CWC22: variants seen among roughly 807,000 people sequenced by gnomAD.
CWC22 encodes CWC22 spliceosome associated protein, also known as pre-mRNA-splicing factor CWC22 homolog.
CWC22 carries 53 observed loss-of-function variants against 117.2 expected under a neutral mutation model. That is an observed-to-expected ratio of 0.45 (90% CI 0.36 to 0.57). The LOEUF (loss-of-function observed/expected upper bound fraction) is 0.57, where lower values mean the gene tolerates loss of function less well. Among genes scored for constraint, CWC22 ranks in the 20% least tolerant of loss-of-function variants. CWC22 has a pLI of 0.00. For synonymous variants in CWC22, 360 were observed against 355.6 expected, an observed-to-expected ratio of 1.01 and a Z score of -0.14; for missense variants, 980 against 1,068.8, an observed-to-expected ratio of 0.92 and a Z score of 1.16.
chr2:179,982,390 C>CTTTA (rs1553561000), intron 4 of CWC22, among the ~76,000 whole-genome samples: 2 of 152,064 alleles, frequency 1.3e-5, no homozygotes, highest in Non-Finnish European at 2.9e-5. Flanking sequence ...TATGTAAAGA[C>CTTTA]TTTAAGGTTT....
intron 6 of CWC22, among the ~76,000 whole-genome samples, chr2:179,976,523 G>C (rs1331408337): frequency 6.6e-6 from 1 of 152,002 alleles, no homozygotes; most frequent in Non-Finnish European, 1.5e-5. Flanking sequence ...CCTGATAAGG[G>C]GTTAATATCC....
chr2:179,966,123 C>T (rs191844417), intron 11 of CWC22, 141 bp from the exon 12 acceptor site: 9 of 581,272 alleles, frequency 1.5e-5, no homozygotes, highest in Admixed American at 6.3e-5. Context: ...CACCAAGCCT[C>T]GTGTTATTGC....
chr2:179,966,194 C>T (rs1686886428), intron 11 of CWC22, among the ~76,000 whole-genome samples: 2 of 152,168 alleles, frequency 1.3e-5, no homozygotes, highest in East Asian at 1.9e-4. Context: ...TATCACTCTT[C>T]TGCCACATAA....
Position 179,986,825 on chromosome 2 carries a change from C to G in CWC22, c.96-20G>C, listed in dbSNP as rs1042052350. On this transcript the variant is annotated intron_variant, in intron 3 of 19. Coordinates refer to ENST00000410053, the MANE Select transcript of CWC22 (RefSeq NM_020943.3). ...TCATATCTAACATAAAATAAGAAAA[C>G]CAAGTTGCAAATTAAAAACAACTAT... 9 of 1,401,652 alleles carry G rather than the reference C, an allele frequency of 6.4e-6. No homozygotes were observed. The East Asian group carries it at 2.1e-4, about 33-fold the overall frequency. The allele number at this position is 1,401,652 out of a possible 1,614,324, so 86.8% of individuals were successfully genotyped here.
intron 2 of CWC22, among the ~76,000 whole-genome samples, chr2:179,989,113 C>T (rs1336277340): frequency 8.6e-5 from 13 of 151,858 alleles, no homozygotes; most frequent in Non-Finnish European, 1.5e-5. Flanking sequence ...CCCTAAAACC[C>T]ATTGTATCAT....
At chr2:179,958,745 A>C (rs1001924848) in intron 14 of CWC22, among the ~76,000 whole-genome samples, 1 of 152,208 alleles carries the variant, frequency 6.6e-6, no homozygotes, top group African/African-American at 2.4e-5. Context: ...AATTTGATTT[A>C]TAGGCAACAA....
In CWC22 at chr2:179,978,323, A is replaced by G; in HGVS notation, c.453-5T>C. 6.8e-7 allele frequency: 1 copy of G among 1,467,142 alleles called. No homozygotes were observed. The highest frequency in any genetic ancestry group is 9.0e-7 in the Non-Finnish European group (1 of 1,112,682). The allele number at this position is 1,467,142 out of a possible 1,614,324, so 90.9% of individuals were successfully genotyped here. A position where few individuals can be genotyped will look rare whatever the true frequency, so the allele number is the denominator to read the frequency against. On this transcript the variant is annotated splice_region_variant and splice_polypyrimidine_tract_variant and intron_variant, in intron 5 of 19. Transcript: ENST00000410053. The stretch of plus-strand genomic sequence containing the variant: ...CTCATCCTCTGGTATGCTAAGCTAA[A>G]AAGAAGTGATTTTAATAAAGATTAA...
In CWC22 at chr2:179,946,397, G is replaced by A. The variant is rs1686299790; in HGVS notation, c.2141-682C>T. Among the ~76,000 whole-genome samples, 5 of 123,602 alleles carry A rather than the reference G, an allele frequency of 4.0e-5. No homozygotes were observed. In the Admixed American group the frequency reaches 4.2e-4, roughly 10 times the overall value. 81.1% of individuals were successfully genotyped at this position (123,602 alleles called of 152,430 possible). ...GCCTGGGAGGCAGAGGTTGCAGTAC[G>A]CCAAGAATGCACCGCTACACCCCAG... On this transcript the variant is annotated intron_variant, in intron 19 of 19. Transcript: ENST00000410053.
At chr2:179,979,640 A>G (rs1381725144) in intron 5 of CWC22, among the ~76,000 whole-genome samples, 1 of 152,108 alleles carries the variant, frequency 6.6e-6, no homozygotes, top group Non-Finnish European at 1.5e-5. Flanking sequence ...AGGATAAAAA[A>G]CAGACTCACT....
intron 16 of CWC22, 62 bp from the exon 17 acceptor site, chr2:179,952,660 C>T (rs936886222): frequency 2.2e-6 from 2 of 914,240 alleles, no homozygotes; most frequent in South Asian, 2.7e-5. Context: ...GACATAGTGA[C>T]CAATATTTGT....
chr2:179,965,202 A>C (rs1210213214), intron 12 of CWC22, among the ~76,000 whole-genome samples: 1 of 152,216 alleles, frequency 6.6e-6, no homozygotes, highest in African/African-American at 2.4e-5. Flanking sequence ...CTATTTTTAC[A>C]AAATATGTTA....
chr2:179,997,890 A>G (rs761632168), intron 1 of CWC22, among the ~76,000 whole-genome samples: 14 of 152,150 alleles, frequency 9.2e-5, no homozygotes, highest in Non-Finnish European at 1.8e-4. Flanking sequence ...CTTTTTTCCT[A>G]CAGGTCAGTT....
At chr2:180,004,758 A>G (rs1446374783) in intron 1 of CWC22, among the ~76,000 whole-genome samples, 2 of 151,360 alleles carry the variant, frequency 1.3e-5, no homozygotes, top group Non-Finnish European at 2.9e-5. Flanking sequence ...CAGAGCTAAG[A>G]AAGCTGGCTT....
At chr2:180,001,199 T>A (rs2105565523) in intron 1 of CWC22, among the ~76,000 whole-genome samples, 1 of 152,318 alleles carries the variant, frequency 6.6e-6, no homozygotes, top group South Asian at 2.1e-4. Flanking sequence ...TAATGATTCA[T>A]TTAAAAATAA....
At position 179,973,016 on chromosome 2, in the gene CWC22, GA is replaced by G. The variant is rs1172800378; in HGVS notation, c.804+176del. Among the ~76,000 whole-genome samples the G allele has an allele frequency of 3.4e-3, 462 of 137,412 alleles. 4 individuals carry two copies. Among genetic ancestry groups the G allele is most frequent in the African/African-American group, 9.7e-3 (363 of 37,474 alleles). The allele number at this position is 137,412 out of a possible 152,430, so 90.1% of individuals were successfully genotyped here. On this transcript the variant is annotated intron_variant, in intron 8 of 19. Coordinates refer to ENST00000410053, the MANE Select transcript of CWC22 (RefSeq NM_020943.3). ...AGAGTGAGACTCCATCTCAAAAAAA[GA>G]AAAAAAAAAAGAACATTAAATATAT... is the stretch of plus-strand genomic sequence containing the variant.
At chr2:179,991,729 G>A (rs10166367) in intron 2 of CWC22, among the ~76,000 whole-genome samples, 6,329 of 152,168 alleles carry the variant, frequency 0.042, 430 homozygotes, top group African/African-American at 0.14. Context: ...TTTCCTTTAC[G>A]TCTCCAGCTC....
chr2:179,998,985 G>C (rs1273983229), intron 1 of CWC22, among the ~76,000 whole-genome samples: 1 of 152,024 alleles, frequency 6.6e-6, no homozygotes, highest in Admixed American at 6.6e-5. Flanking sequence ...AATTTAGTGA[G>C]TTTTCTTCTG....
intron 13 of CWC22, among the ~76,000 whole-genome samples, chr2:179,963,919 T>G (rs1686825117): frequency 6.6e-6 from 1 of 152,206 alleles, no homozygotes; most frequent in African/African-American, 2.4e-5. Context: ...ATAGGTTGAT[T>G]CACATACAAA....
intron 1 of CWC22, among the ~76,000 whole-genome samples, chr2:179,997,405 C>G (rs558319959): frequency 2.0e-5 from 3 of 152,058 alleles, no homozygotes; most frequent in Non-Finnish European, 4.4e-5. Flanking sequence ...GAGGCTACCC[C>G]CTCCCTCACC....
Sources: gnomAD v4.1 joint callset for allele counts (sites outside exome capture counted in the v4.1 genomes callset) on GRCh38, gnomAD v4.1.1 for gene constraint, MANE v1.5 for transcripts, NCBI Gene and HGNC (gene_info 2026-07-23, HGNC 2026-07-21) for gene names.